Variants in SPAG9 observed in about 807,000 individuals in gnomAD.
SPAG9 encodes the protein C-Jun-amino-terminal kinase-interacting protein 4.
A neutral mutation model predicts 166.5 loss-of-function variants in SPAG9; 35 were observed. The observed-to-expected ratio is 0.21, with a 90% confidence interval of 0.16 to 0.28. SPAG9 has a LOEUF of 0.28. Among genes scored for constraint, SPAG9 ranks in the 10% least tolerant of loss-of-function variants. The pLI is 1.00. For missense variants in SPAG9, 1,235 were observed against 1,603.3 expected (o/e 0.77, Z 3.92); for synonymous variants, 534 against 565.5 (o/e 0.94, Z 0.79).
chr17:51,033,121 G>A (rs1000500507), intron 5 of SPAG9, among the ~76,000 whole-genome samples: 2 of 151,306 alleles, frequency 1.3e-5, no homozygotes, highest in African/African-American at 4.9e-5. Context: ...AATCACCACA[G>A]TCAAGCCAAT....
intron 1 of SPAG9, among the ~76,000 whole-genome samples, chr17:51,081,610 C>T (rs537028109): frequency 1.5e-4 from 23 of 151,994 alleles, no homozygotes; most frequent in African/African-American, 4.8e-4. Flanking sequence ...GGGTCTGGGG[C>T]GCATGCCTGT....
Position 50,974,928 on chromosome 17 carries a change from T to C in SPAG9, c.3543A>G (p.Val1181=). Residue 1181 remains valine, a synonymous_variant, in exon 28 of 30, where the codon GTA becomes GTG. Coordinates refer to ENST00000262013, the MANE Select transcript of SPAG9 (RefSeq NM_001130528.3). ...PLTETNKTSG[V]PGNRPGSVIR... ...TTACACTTCCAGGACGATTTCCTGG[T>C]ACACCTGAGGTTTTATTTGCTGCAA... The C allele has an allele frequency of 6.2e-7, 1 of 1,610,184 alleles. No individual in the cohort carries two copies. Among genetic ancestry groups the C allele is most frequent in the Non-Finnish European group, 8.5e-7 (1 of 1,179,096 alleles).
intron 14 of SPAG9, 163 bp from the exon 15 acceptor site, chr17:50,998,780 G>A (rs1221011252): frequency 8.5e-6 from 5 of 585,760 alleles, no homozygotes; most frequent in South Asian, 2.4e-5. Context: ...AGCCTTAGCA[G>A]TAACTCGTAG....
At chr17:51,116,174 T>C (rs1189519937) in intron 1 of SPAG9, among the ~76,000 whole-genome samples, 2 of 152,116 alleles carry the variant, frequency 1.3e-5, no homozygotes, top group East Asian at 1.9e-4. Flanking sequence ...GCCTCCCCAG[T>C]AGCTGGGATT....
chr17:51,077,109 T>TCTATCTAG (rs1568065924), intron 2 of SPAG9, among the ~76,000 whole-genome samples: 1 of 129,452 alleles, frequency 7.7e-6, no homozygotes, highest in Non-Finnish European at 1.7e-5. Context: ...TAGCTAGCTA[T>TCTATCTAG]CTAGCTATCT....
chr17:50,966,481 A>G lies in SPAG9; in HGVS notation c.3851-94T>C, dbSNP rs1973373314. 73 of 801,618 alleles carry G rather than the reference A, an allele frequency of 9.1e-5. No individual in the cohort carries two copies. In the South Asian group the frequency reaches 1.0e-3, roughly 11 times the overall value. 49.7% of individuals were successfully genotyped at this position (801,618 alleles called of 1,614,324 possible). On this transcript the variant is annotated intron_variant, in intron 29 of 29. Transcript: ENST00000262013. ...AATGCTCGTGGTTAGTCCATGAACA[A>G]GATGCCCAAAACTTGTCTGACTTTC...
chr17:51,003,463 A>G (rs1339273451), intron 12 of SPAG9, among the ~76,000 whole-genome samples: 2 of 152,192 alleles, frequency 1.3e-5, no homozygotes, highest in African/African-American at 4.8e-5. Flanking sequence ...ATACTCACCC[A>G]AGACCAGCAT....
At chr17:51,060,032 G>A (rs779908424) in intron 2 of SPAG9, among the ~76,000 whole-genome samples, 18 of 151,948 alleles carry the variant, frequency 1.2e-4, no homozygotes, top group Non-Finnish European at 2.5e-4. Context: ...TCTTACAATG[G>A]TCTGTAAGAC....
At chr17:51,117,572 C>T (rs974954797) in intron 1 of SPAG9, among the ~76,000 whole-genome samples, 2 of 151,466 alleles carry the variant, frequency 1.3e-5, no homozygotes, top group Non-Finnish European at 2.9e-5. Context: ...ATTAGCCAGG[C>T]GTGGTGGCAC....
At position 51,037,685 on chromosome 17, in the gene SPAG9, A is replaced by ATAGTGT; in HGVS notation, c.741+3815_741+3816insACACTA. On this transcript the variant is annotated intron_variant, in intron 5 of 29. Transcript: ENST00000262013. Reference sequence around the variant, plus strand: ...GTGTTTTATATATATATATATATATAGTGTGTGTGTGTGTGTGTGTGTGTG... The same window carrying ATAGTGT: ...GTGTTTTATATATATATATATATATATAGTGTGTGTGTGTGTGTGTGTGTGTGTGTG... Among the ~76,000 whole-genome samples, 265 of 83,512 alleles carry ATAGTGT rather than the reference A, an allele frequency of 3.2e-3. 8 individuals are homozygous for ATAGTGT. The highest frequency in any genetic ancestry group is 5.7e-3 in the Middle Eastern group (1 of 174). The allele number at this position is 83,512 out of a possible 152,430, so 54.8% of individuals were successfully genotyped here.
At position 50,969,368 on chromosome 17, in the gene SPAG9, A is replaced by C. The variant is rs575553649; in HGVS notation, c.3850+1339T>G. On this transcript the variant is annotated intron_variant, in intron 29 of 29. Transcript: ENST00000262013. ...CCTGCTTCTCCTGTTGACAGTCCTG[A>C]GCTCTATGGCCCATTCTCTCCTTCC... is the stretch of plus-strand genomic sequence containing the variant. Among the ~76,000 whole-genome samples, 8 of 152,144 alleles carry C rather than the reference A, an allele frequency of 5.3e-5. No homozygotes were observed. The South Asian group carries it at 1.5e-3, about 28-fold the overall frequency.
At chr17:51,071,345 C>A (rs2047814973) in intron 2 of SPAG9, among the ~76,000 whole-genome samples, 1 of 152,174 alleles carries the variant, frequency 6.6e-6, no homozygotes, top group African/African-American at 2.4e-5. Flanking sequence ...ACACTCCTTA[C>A]ACACTTGAAA....
At chr17:51,061,952 C>G (rs1326152146) in intron 2 of SPAG9, among the ~76,000 whole-genome samples, 2 of 152,176 alleles carry the variant, frequency 1.3e-5, no homozygotes, top group East Asian at 3.8e-4. Flanking sequence ...CTAACCATCT[C>G]TTTCAAAAGG....
At chr17:51,038,207 A>G (rs1014754602) in intron 5 of SPAG9, among the ~76,000 whole-genome samples, 14 of 152,218 alleles carry the variant, frequency 9.2e-5, no homozygotes, top group African/African-American at 3.4e-4. Flanking sequence ...TCTAGAGTCC[A>G]GGGAAGAGAT....
intron 1 of SPAG9, among the ~76,000 whole-genome samples, chr17:51,101,124 G>T (rs1381871406): frequency 1.3e-5 from 2 of 151,912 alleles, no homozygotes; most frequent in African/African-American, 4.8e-5. Context: ...AAGGCAGGTG[G>T]ATCACGAGGT....
intron 5 of SPAG9, among the ~76,000 whole-genome samples, chr17:51,039,817 T>A (rs573712677): frequency 1.3e-5 from 2 of 152,220 alleles, no homozygotes; most frequent in East Asian, 3.9e-4. Flanking sequence ...ACTAAAAGTA[T>A]CCCTCCTACT....
chr17:50,966,520 T>A (rs1416998626), intron 29 of SPAG9, 133 bp from the exon 30 acceptor site: 2 of 652,818 alleles, frequency 3.1e-6, no homozygotes, highest in Non-Finnish European at 5.6e-6. Flanking sequence ...GGAGAGTAAA[T>A]AGTAGAAGAA....
At chr17:51,111,167 T>C (rs2049100733) in intron 1 of SPAG9, among the ~76,000 whole-genome samples, 1 of 151,668 alleles carries the variant, frequency 6.6e-6, no homozygotes, top group Non-Finnish European at 1.5e-5. Flanking sequence ...AATAATCAAA[T>C]ATCACTGGTC....
rs1454810415 is a variant in SPAG9 at position 51,095,978 on chromosome 17, TATATATATATAGTG to T, written c.304-16288_304-16275del. On this transcript the variant is annotated intron_variant, in intron 1 of 29. Coordinates refer to ENST00000262013, the MANE Select transcript of SPAG9 (RefSeq NM_001130528.3). The stretch of plus-strand genomic sequence containing the variant: ...ATAGTGATATATATATATAGTGATA[TATATATATATAGTG>T]ATATATATATAGTGATATATATATA... 9.3e-4 allele frequency among the ~76,000 whole-genome samples: 44 copies of T among 47,122 alleles called. 2 individuals carry two copies. The highest frequency in any genetic ancestry group is 1.4e-3 in the African/African-American group (18 of 12,486). 30.9% of individuals were successfully genotyped at this position (47,122 alleles called of 152,430 possible). A position where few individuals can be genotyped will look rare whatever the true frequency, so the allele number is the denominator to read the frequency against.
Sources: allele counts gnomAD v4.1 joint callset (sites outside exome capture counted in the v4.1 genomes callset), GRCh38; gene constraint gnomAD v4.1.1; transcripts MANE v1.5; gene names NCBI Gene and HGNC (gene_info 2026-07-23, HGNC 2026-07-21).